SYCP2: variants seen among roughly 807,000 people sequenced by gnomAD.
The protein encoded by SYCP2 is synaptonemal complex protein 2, also known as synaptonemal complex lateral element protein.
A neutral mutation model predicts 211.3 loss-of-function variants in SYCP2; 55 were observed. The ratio of observed to expected loss-of-function variants is 0.26; its 90% CI spans 0.21 to 0.33. SYCP2 has a LOEUF of 0.33. SYCP2 is among the 10% of genes least tolerant of loss of function. The pLI, the probability that SYCP2 is intolerant of heterozygous loss-of-function variation, is 1.00. For missense variants in SYCP2, 1,731 were observed against 1,752.0 expected (o/e 0.99, Z 0.21); for synonymous variants, 570 against 555.2 (o/e 1.03, Z -0.37).
intron 15 of SYCP2, among the ~76,000 whole-genome samples, chr20:59,905,466 A>C (rs571762229): frequency 6.6e-6 from 1 of 152,138 alleles, no homozygotes; most frequent in East Asian, 1.9e-4. Context: ...AACATGCTTG[A>C]ATCTTTTTTT....
At chr20:59,897,385 T>C (rs2060030566) in intron 18 of SYCP2, among the ~76,000 whole-genome samples, 1 of 152,196 alleles carries the variant, frequency 6.6e-6, no homozygotes, top group African/African-American at 2.4e-5. Flanking sequence ...TTTAGTGGCA[T>C]AGTGAATGGA....
rs372915418 is a variant in SYCP2, at chr20:59,926,640, T to G, written c.-46-4181A>C. On this transcript the variant is annotated intron_variant, in intron 2 of 44. Transcript: ENST00000357552. ...TTCTGAGATACTGGGAATTAGAATC[T>G]CACATATCTTTTTAGGGGAACACAA... 8.5e-5 allele frequency among the ~76,000 whole-genome samples: 13 copies of G among 152,230 alleles called. No homozygotes were observed. The East Asian group carries it at 1.5e-3, about 18-fold the overall frequency.
At chr20:59,904,305 T>C (rs2060174300) in intron 15 of SYCP2, among the ~76,000 whole-genome samples, 2 of 152,008 alleles carry the variant, frequency 1.3e-5, no homozygotes, top group South Asian at 4.1e-4. Flanking sequence ...TTGGACTGAG[T>C]AGAGTGAACG....
chr20:59,901,590 A>G (rs1274677057), intron 16 of SYCP2, 72 bp downstream of exon 16: 16 of 965,476 alleles, frequency 1.7e-5, no homozygotes, highest in Admixed American at 5.3e-5. Flanking sequence ...AAAAAACGCA[A>G]TAAAACTTAT....
chr20:59,891,847 G>C (rs2059912880), intron 24 of SYCP2, 143 bp downstream of exon 24: 1 of 676,392 alleles, frequency 1.5e-6, no homozygotes. Context: ...AGGTGAGTGA[G>C]GAATTCTGAG....
At chr20:59,896,990 TA>T (rs2060022010) in intron 18 of SYCP2, among the ~76,000 whole-genome samples, 1 of 152,200 alleles carries the variant, frequency 6.6e-6, no homozygotes, top group Non-Finnish European at 1.5e-5. Context: ...CTGTGAAGAC[TA>T]AACTGGAGTG....
In SYCP2 at chr20:59,871,584, A is replaced by C. The variant is rs562319085; in HGVS notation, c.3556-1601T>G. ...TTTTGCAAGGTGGCATACTGAAGGGATTAAAGGATGCGGGGGAAAATAAGA... is the reference window on the plus strand; with the variant it reads ...TTTTGCAAGGTGGCATACTGAAGGGCTTAAAGGATGCGGGGGAAAATAAGA... On this transcript the variant is annotated intron_variant, in intron 35 of 44. Transcript: ENST00000357552. Among the ~76,000 whole-genome samples, 7 of 151,956 alleles carry C rather than the reference A, an allele frequency of 4.6e-5. No individual in the cohort carries two copies. In the South Asian group the frequency reaches 1.5e-3, roughly 32 times the overall value.
At chr20:59,876,297 G>A (rs1362263851) in intron 33 of SYCP2, among the ~76,000 whole-genome samples, 2 of 142,006 alleles carry the variant, frequency 1.4e-5, no homozygotes, top group African/African-American at 2.6e-5. Context: ...TTTGAACACT[G>A]GAGGCGGAGG....
At chr20:59,872,346 T>C in intron 35 of SYCP2, among the ~76,000 whole-genome samples, 1 of 152,014 alleles carries the variant, frequency 6.6e-6, no homozygotes. Context: ...CCATGCTGTA[T>C]ATGCTACCTG....
At chr20:59,925,844 AC>A (rs1168326651) in intron 2 of SYCP2, among the ~76,000 whole-genome samples, 9 of 152,054 alleles carry the variant, frequency 5.9e-5, no homozygotes, top group African/African-American at 1.9e-4. Flanking sequence ...TTTTAAGAAA[AC>A]CAGAAGTTCA....
At chr20:59,930,030 G>A (rs1272288046) in intron 2 of SYCP2, among the ~76,000 whole-genome samples, 1 of 152,008 alleles carries the variant, frequency 6.6e-6, no homozygotes, top group Non-Finnish European at 1.5e-5. Context: ...GCTCTATATA[G>A]TGTAATCTCT....
In SYCP2 at chr20:59,886,696, T is replaced by C. The variant is rs752504191; in HGVS notation, c.2492+11A>G. The C allele has an allele frequency of 6.5e-7, 1 of 1,530,190 alleles. No individual in the cohort carries two copies. Among genetic ancestry groups the C allele is most frequent in the South Asian group, 1.3e-5 (1 of 79,732 alleles). The allele number at this position is 1,530,190 out of a possible 1,614,324, so 94.8% of individuals were successfully genotyped here. A position where few individuals can be genotyped will look rare whatever the true frequency, so the allele number is the denominator to read the frequency against. ...CAGAAAAATATTCATGTCTGAAATTTAAGAACATACCTGTTAATCAAAGAC... is the reference window on the plus strand; with the variant it reads ...CAGAAAAATATTCATGTCTGAAATTCAAGAACATACCTGTTAATCAAAGAC... On this transcript the variant is annotated intron_variant, in intron 25 of 44. Transcript: ENST00000357552.
At chr20:59,913,495 C>T (rs992754788) in intron 12 of SYCP2, among the ~76,000 whole-genome samples, 3 of 152,092 alleles carry the variant, frequency 2.0e-5, no homozygotes, top group Admixed American at 6.6e-5. Context: ...ATTTATATTA[C>T]ACATCCTTTC....
intron 14 of SYCP2, among the ~76,000 whole-genome samples, chr20:59,908,247 T>G (rs1378996662): frequency 1.3e-5 from 2 of 151,758 alleles, no homozygotes; most frequent in African/African-American, 2.4e-5. Context: ...AGACTCCATC[T>G]CAAACAAAAC....
chr20:59,916,440 T>C, intron 8 of SYCP2, 46 bp downstream of exon 8: 3 of 1,126,854 alleles, frequency 2.7e-6, no homozygotes, highest in Non-Finnish European at 4.0e-6. Context: ...TTGATTTTCT[T>C]CACGTTCTCA....
intron 31 of SYCP2, among the ~76,000 whole-genome samples, chr20:59,879,737 T>C (rs904091181): frequency 1.8e-4 from 27 of 149,586 alleles, no homozygotes; most frequent in African/African-American, 6.6e-4. Context: ...TTCCTTTTGA[T>C]ATATTTTTTG....
At chr20:59,907,525 G>C (rs951572313) in intron 14 of SYCP2, 101 bp from the exon 15 acceptor site, 1 of 904,112 alleles carries the variant, frequency 1.1e-6, no homozygotes, top group Non-Finnish European at 1.7e-6. Flanking sequence ...AATTCTTTTT[G>C]CTAGTCACTA....
At chr20:59,870,127 A>G in intron 35 of SYCP2, 144 bp from the exon 36 acceptor site, 1 of 543,814 alleles carries the variant, frequency 1.8e-6, no homozygotes, top group South Asian at 3.3e-5. Flanking sequence ...TCCAATTCAT[A>G]ACTAAAAATA....
chr20:59,892,421 C>A lies in SYCP2; in HGVS notation c.1933G>T (p.Val645Phe). 1 of 1,498,160 alleles carries A rather than the reference C, an allele frequency of 6.7e-7. No individual in the cohort carries two copies. The highest frequency in any genetic ancestry group is 9.0e-7 in the Non-Finnish European group (1 of 1,107,002). 92.8% of individuals were successfully genotyped at this position (1,498,160 alleles called of 1,614,324 possible). A position where few individuals can be genotyped will look rare whatever the true frequency, so the allele number is the denominator to read the frequency against. ...SSGDTLNQDI[V>F]INKKLTKQKS... ...TGTTTAGTAAGTTTTTTATTTATAA[C>A]AATATCTATTGGGGAAAATGAGAAA... The change falls in exon 24 of 45, where the codon GTT becomes TTT. Residue 645 changes from valine (V) to phenylalanine (F), a missense_variant. Val to Phe is a conservative substitution (Grantham distance 50). Transcript: ENST00000357552.
Sources: gnomAD v4.1 joint callset for allele counts (sites outside exome capture counted in the v4.1 genomes callset) on GRCh38, gnomAD v4.1.1 for gene constraint, MANE v1.5 for transcripts, NCBI Gene and HGNC (gene_info 2026-07-23, HGNC 2026-07-21) for gene names.